FKBP5: variants seen among roughly 807,000 people sequenced by gnomAD.
FKBP5 encodes the protein FKBP prolyl isomerase 5, also known as peptidyl-prolyl cis-trans isomerase FKBP5.
Under a neutral mutation model 50.5 loss-of-function variants are expected in FKBP5, and 23 were observed. The ratio of observed to expected loss-of-function variants is 0.46; its 90% confidence interval spans 0.33 to 0.65. FKBP5 has a LOEUF of 0.65. Among genes scored for constraint, FKBP5 ranks in the 30% least tolerant of loss-of-function variants. The probability of loss-of-function intolerance (pLI) is 0.02; values close to 1 mark genes in which losing one functional copy is unlikely to be tolerated. For missense variants in FKBP5, 411 were observed against 553.1 expected (o/e 0.74, Z 2.58); for synonymous variants, 176 against 190.6 (o/e 0.92, Z 0.63).
intron 2 of FKBP5, among the ~76,000 whole-genome samples, chr6:35,705,259 T>TAAA (rs1491183415): frequency 1.9e-4 from 1 of 5,156 alleles, no homozygotes; most frequent in Non-Finnish European, 2.3e-4. Context: ...TATATATATA[T>TAAA]TTTTTTTTTT....
chr6:35,716,070 G>T (rs1323289736), intron 2 of FKBP5, among the ~76,000 whole-genome samples: 1 of 152,120 alleles, frequency 6.6e-6, no homozygotes, highest in Non-Finnish European at 1.5e-5. Flanking sequence ...TGCAACATTA[G>T]TTACCAAGAT....
chr6:35,719,723 AAC>A (rs1270459835), intron 2 of FKBP5, among the ~76,000 whole-genome samples: 1 of 152,212 alleles, frequency 6.6e-6, no homozygotes, highest in Admixed American at 6.5e-5. Flanking sequence ...GATTCATGGA[AAC>A]ACAGAGACCA....
At chr6:35,646,026 G>C (rs1457628162) in intron 1 of FKBP5, among the ~76,000 whole-genome samples, 1 of 152,128 alleles carries the variant, frequency 6.6e-6, no homozygotes, top group Non-Finnish European at 1.5e-5. Flanking sequence ...TGAGGCACAA[G>C]AATCACTTGA....
chr6:35,685,283 A>G (rs1394237793), intron 1 of FKBP5, among the ~76,000 whole-genome samples: 2 of 152,212 alleles, frequency 1.3e-5, no homozygotes, highest in Non-Finnish European at 2.9e-5. Flanking sequence ...TAGTAAATAA[A>G]CATCTCATTT....
chr6:35,665,291 CTCT>C (rs1561884236), intron 1 of FKBP5, among the ~76,000 whole-genome samples: 3 of 143,310 alleles, frequency 2.1e-5, no homozygotes, highest in South Asian at 4.4e-4. Flanking sequence ...GTAAATGCTC[CTCT>C]TTTTTTTTTT....
At chr6:35,717,066 C>A (rs533110195) in intron 2 of FKBP5, among the ~76,000 whole-genome samples, 2 of 152,302 alleles carry the variant, frequency 1.3e-5, no homozygotes, top group East Asian at 3.9e-4. Context: ...TTACCCCACC[C>A]CCCGCCATCC....
At chr6:35,673,996 G>A (rs1765462156) in intron 1 of FKBP5, among the ~76,000 whole-genome samples, 1 of 152,126 alleles carries the variant, frequency 6.6e-6, no homozygotes, top group Admixed American at 6.5e-5. Context: ...TGTAAAACAA[G>A]ATGGCTGGAC....
intron 9 of FKBP5, 71 bp downstream of exon 9, chr6:35,579,965 G>T: frequency 8.4e-7 from 1 of 1,192,846 alleles, no homozygotes; most frequent in Non-Finnish European, 1.2e-6. Context: ...TGGCTGAGAG[G>T]AAGCAAAAGA....
At position 35,656,910 on chromosome 6, in the gene FKBP5, G is replaced by C. The variant is rs9800558; in HGVS notation, c.-19-14067C>G. On this transcript the variant is annotated intron_variant, in intron 1 of 10. Coordinates refer to ENST00000357266, the MANE Select transcript of FKBP5 (RefSeq NM_004117.4). ...GACTCCGTCTCAAAAAAAAAAAAAA[G>C]AAAAAAGAAAAAGAAAAAAAGCCGG... Among the ~76,000 whole-genome samples, 79 of 100,908 alleles carry C rather than the reference G, an allele frequency of 7.8e-4. 2 individuals are homozygous for C. The East Asian group carries it at 0.017, about 21-fold the overall frequency. The allele number at this position is 100,908 out of a possible 152,430, so 66.2% of individuals were successfully genotyped here.
At chr6:35,652,857 G>A (rs568296846) in intron 1 of FKBP5, among the ~76,000 whole-genome samples, 2 of 152,202 alleles carry the variant, frequency 1.3e-5, no homozygotes, top group Non-Finnish European at 2.9e-5. Flanking sequence ...GGCTTGTGGG[G>A]CATCACGGAT....
chr6:35,581,789 G>A (rs1221632583), intron 8 of FKBP5: 3 of 985,364 alleles, frequency 3.0e-6, no homozygotes, highest in Non-Finnish European at 3.6e-6. Context: ...GATGGCAGAG[G>A]AGCAGCCAGA....
intron 2 of FKBP5, among the ~76,000 whole-genome samples, chr6:35,707,763 G>A (rs1766347500): frequency 6.6e-6 from 1 of 152,024 alleles, no homozygotes; most frequent in South Asian, 2.1e-4. Flanking sequence ...GTGTCCATGT[G>A]TTCTCATCAT....
At chr6:35,682,635 T>C (rs1015124733) in intron 1 of FKBP5, among the ~76,000 whole-genome samples, 1 of 152,154 alleles carries the variant, frequency 6.6e-6, no homozygotes, top group Non-Finnish European at 1.5e-5. Context: ...ACTGCCCACT[T>C]AGGATTTGCA....
At chr6:35,589,237 A>G (rs1163504522) in intron 7 of FKBP5, among the ~76,000 whole-genome samples, 1 of 148,646 alleles carries the variant, frequency 6.7e-6, no homozygotes. Flanking sequence ...CAAGCGATTC[A>G]CCTGTCTCAG....
intron 1 of FKBP5, among the ~76,000 whole-genome samples, chr6:35,688,303 G>A (rs1199759186): frequency 1.3e-5 from 2 of 152,104 alleles, no homozygotes; most frequent in East Asian, 3.9e-4. Context: ...TCGCCCTGGG[G>A]TCCGGTTGTC....
At chr6:35,646,221 G>A (rs7771722) in intron 1 of FKBP5, among the ~76,000 whole-genome samples, 6,514 of 152,282 alleles carry the variant, frequency 0.043, 213 homozygotes, top group African/African-American at 0.093. Flanking sequence ...ACCTGTATAA[G>A]CTGATTTACT....
intron 1 of FKBP5, among the ~76,000 whole-genome samples, chr6:35,667,019 CTGTGTGTGTGTGTG>C (rs35407744): frequency 0.045 from 6,750 of 148,854 alleles, 270 homozygotes; most frequent in African/African-American, 0.11. Context: ...GTGTGTGTGT[CTGTGTGTGTGTGTG>C]TGTGTGTGTG....
intron 2 of FKBP5, among the ~76,000 whole-genome samples, chr6:35,708,786 A>G (rs1766365722): frequency 6.6e-6 from 1 of 151,928 alleles, no homozygotes; most frequent in African/African-American, 2.4e-5. Context: ...GTTTTGCTGG[A>G]TAGATGCAGA....
At chr6:35,595,380 T>C (rs1238461272) in intron 6 of FKBP5, among the ~76,000 whole-genome samples, 1 of 152,240 alleles carries the variant, frequency 6.6e-6, no homozygotes, top group Non-Finnish European at 1.5e-5. Context: ...GCTTAAATTT[T>C]GAAAATATAC....
Sources: allele counts gnomAD v4.1 joint callset (sites outside exome capture counted in the v4.1 genomes callset), GRCh38; gene constraint gnomAD v4.1.1; transcripts MANE v1.5; gene names NCBI Gene and HGNC (gene_info 2026-07-23, HGNC 2026-07-21).